The following DGKI variants were observed in gnomAD, a reference collection of about 807,000 sequenced individuals.
DGKI encodes the protein DAG kinase iota.
Under a neutral mutation model 147.5 loss-of-function variants are expected in DGKI, and 55 were observed. The observed-to-expected ratio is 0.37, with a 90% CI of 0.30 to 0.47. The LOEUF (loss-of-function observed/expected upper bound fraction) is 0.47. DGKI is among the 20% of genes least tolerant of loss of function. The pLI is 1.00. For missense variants in DGKI, 1,007 were observed against 1,323.8 expected (o/e 0.76, Z 3.71); for synonymous variants, 469 against 477.1 (o/e 0.98, Z 0.22).
At chr7:137,483,871 T>C (rs914022156) in intron 23 of DGKI, among the ~76,000 whole-genome samples, 1 of 152,076 alleles carries the variant, frequency 6.6e-6, no homozygotes, top group African/African-American at 2.4e-5. Flanking sequence ...GTTGATTCCA[T>C]GTCTTTGCTA....
intron 1 of DGKI, among the ~76,000 whole-genome samples, chr7:137,762,672 C>G (rs1198435374): frequency 1.3e-5 from 2 of 152,204 alleles, no homozygotes; most frequent in Admixed American, 1.3e-4. Context: ...CTCCAGATAT[C>G]TGATCTCCTT....
intron 10 of DGKI, 79 bp from the exon 11 acceptor site, chr7:137,599,984 C>A (rs561804408): frequency 6.1e-5 from 76 of 1,237,542 alleles, no homozygotes; most frequent in Middle Eastern, 5.7e-4. Context: ...AAAATAAATA[C>A]TTTTATTTAA....
In DGKI at chr7:137,487,636, G is replaced by A. The variant is rs1410671796; in HGVS notation, c.2302C>T (p.Arg768Cys). 4 of 1,613,550 alleles carry A rather than the reference G, an allele frequency of 2.5e-6. No homozygotes were observed. The highest frequency in any genetic ancestry group is 2.7e-5 in the African/African-American group (2 of 74,864). Residue 768 changes from arginine (R) to cysteine (C), a missense_variant, in exon 22 of 33, where the codon CGT becomes TGT. By Grantham distance (180) the Arg-to-Cys change is radical (BLOSUM62 -3). Around this residue, in one of 5 missense-constraint regions of DGKI, gnomAD observed 385 missense variants for 445.2 expected, o/e 0.86. Coordinates refer to ENST00000614521, the MANE Select transcript of DGKI (RefSeq NM_001321708.2). ...VRGDCDLETC[R>C]MYIDRLQEDL... ...TCCTGTAGGCGGTCTATGTACATAC[G>A]GCAAGTCTCCAAATCACAGTCTCCA... is the stretch of plus-strand genomic sequence containing the variant.
chr7:137,511,232 A>C (rs1816569656), intron 21 of DGKI, among the ~76,000 whole-genome samples: 2 of 152,258 alleles, frequency 1.3e-5, no homozygotes, highest in African/African-American at 4.8e-5. Flanking sequence ...TATATAAAAA[A>C]TACACATCCC....
chr7:137,673,203 G>C lies in DGKI; in HGVS notation c.606+5354C>G, dbSNP rs114743390. Reference sequence around the variant, plus strand: ...TGTCCAAATCAAGTTACATTCTGAGGTACTGAAGTCCTGAGGCGTCAGGAC... The same window carrying C: ...TGTCCAAATCAAGTTACATTCTGAGCTACTGAAGTCCTGAGGCGTCAGGAC... On this transcript the variant is annotated intron_variant, in intron 3 of 32. Coordinates refer to ENST00000614521, the MANE Select transcript of DGKI (RefSeq NM_001321708.2). 6.3e-3 allele frequency among the ~76,000 whole-genome samples: 966 copies of C among 152,240 alleles called. 10 individuals are homozygous for C. Among genetic ancestry groups the C allele is most frequent in the African/African-American group, 0.022 (920 of 41,532 alleles).
At chr7:137,666,402 C>T (rs1018840552) in intron 3 of DGKI, among the ~76,000 whole-genome samples, 1 of 152,100 alleles carries the variant, frequency 6.6e-6, no homozygotes, top group Non-Finnish European at 1.5e-5. Context: ...AATTCTGTCT[C>T]TAAAACAAAC....
intron 28 of DGKI, among the ~76,000 whole-genome samples, chr7:137,435,131 G>A (rs1813232000): frequency 6.6e-6 from 1 of 152,172 alleles, no homozygotes; most frequent in South Asian, 2.1e-4. Context: ...ACATACTGCA[G>A]CAAATTTAAC....
chr7:137,819,734 G>A (rs1359396149), intron 1 of DGKI, among the ~76,000 whole-genome samples: 2 of 152,204 alleles, frequency 1.3e-5, no homozygotes, highest in Non-Finnish European at 2.9e-5. Flanking sequence ...CAAACTCATT[G>A]TATGGCAAGC....
chr7:137,799,387 TC>T (rs1797128219), intron 1 of DGKI, among the ~76,000 whole-genome samples: 1 of 152,154 alleles, frequency 6.6e-6, no homozygotes, highest in Admixed American at 6.5e-5. Context: ...GTACACAATT[TC>T]TTCTGAGGAT....
At chr7:137,617,910 T>C (rs1820588817) in intron 8 of DGKI, among the ~76,000 whole-genome samples, 1 of 151,520 alleles carries the variant, frequency 6.6e-6, no homozygotes, top group Admixed American at 6.6e-5. Flanking sequence ...GGCAGAAAAG[T>C]TGATGGCTAG....
intron 27 of DGKI, among the ~76,000 whole-genome samples, chr7:137,455,316 C>T (rs907277919): frequency 4.0e-5 from 6 of 151,738 alleles, no homozygotes; most frequent in Non-Finnish European, 7.4e-5. Context: ...TAGATCAGTT[C>T]GAGGAGCTCT....
chr7:137,439,381 T>C (rs370458134), intron 28 of DGKI, among the ~76,000 whole-genome samples: 3 of 152,176 alleles, frequency 2.0e-5, no homozygotes, highest in African/African-American at 7.2e-5. Context: ...CAGTTCCATA[T>C]GGCTGGGGAG....
intron 28 of DGKI, among the ~76,000 whole-genome samples, chr7:137,437,065 G>C (rs1386414413): frequency 6.6e-6 from 1 of 152,196 alleles, no homozygotes; most frequent in Non-Finnish European, 1.5e-5. Context: ...ATTGTGACTT[G>C]TGGATGGCAC....
At chr7:137,777,528 C>T (rs1298800546) in intron 1 of DGKI, among the ~76,000 whole-genome samples, 1 of 152,204 alleles carries the variant, frequency 6.6e-6, no homozygotes, top group Non-Finnish European at 1.5e-5. Flanking sequence ...TGTAGCCACG[C>T]CAATTAAAGC....
Position 137,489,880 on chromosome 7 carries a change from G to A in DGKI, c.2249-2191C>T, listed in dbSNP as rs530032470. Among the ~76,000 whole-genome samples the A allele has an allele frequency of 1.5e-3, 232 of 152,122 alleles. 2 individuals carry two copies. The highest frequency in any genetic ancestry group is 0.014 in the Middle Eastern group (4 of 294). On this transcript the variant is annotated intron_variant, in intron 21 of 32. Coordinates refer to ENST00000614521, the MANE Select transcript of DGKI (RefSeq NM_001321708.2). ...TATTATCAGTGTTTGGAGTTAGTCT[G>A]GTCCAAGTATAAATTCAATGTACTT...
intron 6 of DGKI, among the ~76,000 whole-genome samples, chr7:137,638,747 A>G (rs1474960076): frequency 6.7e-6 from 1 of 149,638 alleles, no homozygotes; most frequent in Non-Finnish European, 1.5e-5. Flanking sequence ...GTAAATAACT[A>G]TAACATGTTA....
rs147245545 is a variant in DGKI, at chr7:137,781,945, C to G, written c.401+64517G>C. ...AAAATGGCTCTAAACATTTTGGTTA[C>G]CACTGTCAATTAAGATGGTGGATAG... On this transcript the variant is annotated intron_variant, in intron 1 of 32. Coordinates refer to ENST00000614521, the MANE Select transcript of DGKI (RefSeq NM_001321708.2). Among the ~76,000 whole-genome samples, 6 of 152,234 alleles carry G rather than the reference C, an allele frequency of 3.9e-5. No individual in the cohort carries two copies. In the East Asian group the frequency reaches 1.2e-3, roughly 29 times the overall value.
chr7:137,620,049 A>ACACT, intron 7 of DGKI, 109 bp from the exon 8 acceptor site: 1 of 751,078 alleles, frequency 1.3e-6, no homozygotes, highest in South Asian at 1.6e-5. Context: ...ACACACACAC[A>ACACT]CACACTCATT....
At chr7:137,426,846 C>T (rs1368185546) in intron 28 of DGKI, among the ~76,000 whole-genome samples, 1 of 152,048 alleles carries the variant, frequency 6.6e-6, no homozygotes, top group Non-Finnish European at 1.5e-5. Context: ...ACAAGAAGAG[C>T]TAACTATCCT....
Sources: gnomAD v4.1 joint callset for allele counts (sites outside exome capture counted in the v4.1 genomes callset) on GRCh38, gnomAD v4.1.1 for gene constraint, gnomAD v4.1.1 regional missense constraint, MANE v1.5 for transcripts, NCBI Gene and HGNC (gene_info 2026-07-23, HGNC 2026-07-21) for gene names.